CD247: variants seen among roughly 807,000 people sequenced by gnomAD.
CD247 encodes CD247 molecule.
A neutral mutation model predicts 30.0 loss-of-function variants in CD247; 13 were observed. The ratio of observed to expected loss-of-function variants is 0.43; its 90% confidence interval spans 0.28 to 0.69. The LOEUF (loss-of-function observed/expected upper bound fraction) is 0.69, where lower values mean the gene tolerates loss of function less well. CD247 is among the 30% of genes least tolerant of loss of function. The probability of loss-of-function intolerance (pLI) is 0.16; values close to 1 mark genes in which losing one functional copy is unlikely to be tolerated. For missense variants in CD247, 193 were observed against 212.6 expected (o/e 0.91, Z 0.57); for synonymous variants, 72 against 80.0 (o/e 0.90, Z 0.53).
chr1:167,484,652 C>T (rs1230986951), intron 1 of CD247, among the ~76,000 whole-genome samples: 1 of 152,244 alleles, frequency 6.6e-6, no homozygotes, highest in Non-Finnish European at 1.5e-5. Context: ...TGGCACGTGC[C>T]TGTAGTCCCA....
Position 167,449,149 on chromosome 1 carries a change from C to CTTTT in CD247, c.59-8386_59-8383dup, listed in dbSNP as rs71097676. On this transcript the variant is annotated intron_variant, in intron 1 of 7. Transcript: ENST00000362089. Reference sequence around the variant, plus strand: ...GATACTTTGTGATCATTTTTCTTTTCTTTTTTTTTTTTTTTTTTTTTGAGA... The same window carrying CTTTT: ...GATACTTTGTGATCATTTTTCTTTTCTTTTTTTTTTTTTTTTTTTTTTTTTGAGA... Among the ~76,000 whole-genome samples, 289 of 66,346 alleles carry CTTTT rather than the reference C, an allele frequency of 4.4e-3. 7 individuals are homozygous for CTTTT. The highest frequency in any genetic ancestry group is 0.011 in the Middle Eastern group (1 of 88). The allele number at this position is 66,346 out of a possible 152,430, so 43.5% of individuals were successfully genotyped here.
chr1:167,461,343 T>G (rs573997113), intron 1 of CD247, among the ~76,000 whole-genome samples: 12 of 152,262 alleles, frequency 7.9e-5, no homozygotes, highest in Non-Finnish European at 1.6e-4. Flanking sequence ...ACTCTAGAGC[T>G]ATTTCTACTT....
intron 1 of CD247, chr1:167,448,490 G>C (rs1652196238): frequency 3.0e-6 from 3 of 985,250 alleles, no homozygotes. Context: ...AGGCCGGCCT[G>C]GGGGGTTGAC....
At position 167,440,655 on chromosome 1, in the gene CD247, G is replaced by A; in HGVS notation, c.162+9C>T. 1.3e-6 allele frequency: 2 copies of A among 1,593,916 alleles called. No individual in the cohort carries two copies. Among genetic ancestry groups the A allele is most frequent in the Non-Finnish European group, 1.7e-6 (2 of 1,162,014 alleles). On this transcript the variant is annotated intron_variant, in intron 2 of 7. Coordinates refer to ENST00000362089, the MANE Select transcript of CD247 (RefSeq NM_198053.3). ...CCGTGCCCTCCTCCCAAAGCCCAGT[G>A]GTACCCACCTTCACTCTCAGGAACA...
intron 1 of CD247, among the ~76,000 whole-genome samples, chr1:167,477,794 G>A (rs1019880253): frequency 1.3e-5 from 2 of 152,224 alleles, no homozygotes; most frequent in Admixed American, 1.3e-4. Flanking sequence ...CTCCCAAAGT[G>A]CTGAGATGAC....
At chr1:167,504,486 C>T (rs1655037715) in intron 1 of CD247, among the ~76,000 whole-genome samples, 1 of 152,224 alleles carries the variant, frequency 6.6e-6, no homozygotes, top group African/African-American at 2.4e-5. Context: ...ATGATTAAAA[C>T]AGGCACTCTT....
chr1:167,441,615 C>A (rs1031274165), intron 1 of CD247, among the ~76,000 whole-genome samples: 1 of 152,216 alleles, frequency 6.6e-6, no homozygotes, highest in South Asian at 2.1e-4. Context: ...TATTTGGTAA[C>A]ATTTGATGCA....
rs2101986573 is a variant in CD247 at position 167,434,063 on chromosome 1, T to C, written c.350A>G (p.Asp117Gly). The change falls in exon 6 of 8, where the codon GAT becomes GGT. Residue 117 changes from aspartate to glycine, a missense_variant. Transcript: ENST00000362089. ...CTCACTGTAGGCCTCCGCCATCTTA[T>C]CTTTCTGCAGTTCCTGCAGAAGAGG... ...QEGLYNELQK[D>G]KMAEAYSEIG... 1.2e-6 allele frequency: 2 copies of C among 1,614,178 alleles called. No homozygotes were observed. The highest frequency in any genetic ancestry group is 1.7e-6 in the Non-Finnish European group (2 of 1,179,974).
Position 167,440,772 on chromosome 1 carries a change from G to A in CD247, c.59-5C>T. 1.2e-6 allele frequency: 2 copies of A among 1,604,720 alleles called. No individual in the cohort carries two copies. Among genetic ancestry groups the A allele is most frequent in the Non-Finnish European group, 8.5e-7 (1 of 1,172,608 alleles). On this transcript the variant is annotated splice_region_variant and splice_polypyrimidine_tract_variant and intron_variant, in intron 1 of 7. Transcript: ENST00000362089. ...GCAGGCCAAAGCTCTGTGCCTCTGT[G>A]CCAAGAGATAAAGCTGGTCAGCCAG...
chr1:167,503,628 T>C (rs1655001389), intron 1 of CD247, among the ~76,000 whole-genome samples: 1 of 152,242 alleles, frequency 6.6e-6, no homozygotes. Context: ...AGTATTAACA[T>C]CTTGCTGAAC....
intron 1 of CD247, among the ~76,000 whole-genome samples, chr1:167,508,991 T>G (rs1021053019): frequency 2.6e-5 from 4 of 152,146 alleles, no homozygotes; most frequent in African/African-American, 9.7e-5. Flanking sequence ...TTGGTTTGAT[T>G]TGGGGCACAT....
At chr1:167,516,903 C>T (rs1251794141) in intron 1 of CD247, among the ~76,000 whole-genome samples, 1 of 152,154 alleles carries the variant, frequency 6.6e-6, no homozygotes, top group African/African-American at 2.4e-5. Flanking sequence ...TTGCCCCTAC[C>T]TTGGTCTCTC....
chr1:167,449,144 C>CTTTTCTTTTTTTTT (rs1652228867), intron 1 of CD247, among the ~76,000 whole-genome samples: 1 of 37,958 alleles, frequency 2.6e-5, no homozygotes, highest in African/African-American at 1.1e-4. Flanking sequence ...GATCATTTTT[C>CTTTTCTTTTTTTTT]TTTTCTTTTT....
chr1:167,466,650 G>A (rs1251625568), intron 1 of CD247, among the ~76,000 whole-genome samples: 1 of 152,134 alleles, frequency 6.6e-6, no homozygotes, highest in Non-Finnish European at 1.5e-5. Context: ...ATTTTCATAT[G>A]CACATATATA....
intron 1 of CD247, among the ~76,000 whole-genome samples, chr1:167,453,657 C>A (rs61806158): frequency 5.5e-4 from 84 of 152,198 alleles, no homozygotes; most frequent in Admixed American, 1.3e-3. Flanking sequence ...CATGAAAGAT[C>A]TTCAAGATAA....
chr1:167,469,488 G>T (rs558938554), intron 1 of CD247, among the ~76,000 whole-genome samples: 2 of 152,290 alleles, frequency 1.3e-5, no homozygotes, highest in South Asian at 4.2e-4. Flanking sequence ...ATGCTTAAGT[G>T]GTTCTTGTTG....
chr1:167,499,027 C>G (rs563648835), intron 1 of CD247, among the ~76,000 whole-genome samples: 1 of 152,334 alleles, frequency 6.6e-6, no homozygotes, highest in South Asian at 2.1e-4. Context: ...TCTGGTCAAC[C>G]TAATGAGCAA....
At chr1:167,465,327 CTTTTTT>C (rs765176193) in intron 1 of CD247, among the ~76,000 whole-genome samples, 3 of 115,344 alleles carry the variant, frequency 2.6e-5, no homozygotes, top group Non-Finnish European at 5.1e-5. Flanking sequence ...TTTTCTTTTT[CTTTTTT>C]TTTTTTTTTT....
chr1:167,457,015 T>G (rs1468527804), intron 1 of CD247, among the ~76,000 whole-genome samples: 1 of 152,262 alleles, frequency 6.6e-6, no homozygotes, highest in East Asian at 1.9e-4. Context: ...CCCTGCTTTC[T>G]CTACCTCCAG....
Sources: gnomAD v4.1 joint callset for allele counts (sites outside exome capture counted in the v4.1 genomes callset) on GRCh38, gnomAD v4.1.1 for gene constraint, MANE v1.5 for transcripts, NCBI Gene and HGNC (gene_info 2026-07-23, HGNC 2026-07-21) for gene names.